The following SGO2 variants were observed in gnomAD, a reference collection of about 807,000 sequenced individuals.
The protein encoded by SGO2 is shugoshin 2, also known as shugoshin-like 2.
In SGO2, 68 loss-of-function variants were observed where a neutral mutation model predicts 99.5. That is an observed-to-expected ratio of 0.68 (90% CI 0.56 to 0.84). The LOEUF (loss-of-function observed/expected upper bound fraction) is 0.84, where lower values mean the gene tolerates loss of function less well. Ranked by LOEUF, SGO2 falls within the 40% of genes least tolerant of loss-of-function variation. The pLI is 0.00. For missense variants in SGO2, 1,350 were observed against 1,436.7 expected (o/e 0.94, Z 0.97); for synonymous variants, 457 against 487.1 (o/e 0.94, Z 0.81).
chr2:200,557,459 A>G (rs964213867), intron 5 of SGO2, among the ~76,000 whole-genome samples: 21 of 152,092 alleles, frequency 1.4e-4, no homozygotes, highest in Non-Finnish European at 2.5e-4. Context: ...TCATCCCTTC[A>G]TGGTTTGCCA....
intron 3 of SGO2, 119 bp downstream of exon 3, chr2:200,535,290 G>T (rs1281059127): frequency 1.2e-6 from 1 of 856,584 alleles, no homozygotes; most frequent in Non-Finnish European, 1.7e-6. Flanking sequence ...TTGAAAGTCA[G>T]TATACCATGT....
chr2:200,534,877 C>G lies in SGO2; in HGVS notation c.134-119C>G, dbSNP rs16833685. Reference sequence around the variant, plus strand: ...CAAAACTACATCTGTATTGTTATTCCCTTTTCTAATCTTCAGTTAAAACTT... The same window carrying G: ...CAAAACTACATCTGTATTGTTATTCGCTTTTCTAATCTTCAGTTAAAACTT... On this transcript the variant is annotated intron_variant, in intron 2 of 8. Coordinates refer to ENST00000357799, the MANE Select transcript of SGO2 (RefSeq NM_152524.6). 6,683 of 636,526 alleles carry G rather than the reference C, an allele frequency of 0.01. 329 individuals carry two copies. In the African/African-American group the frequency reaches 0.11, roughly 10 times the overall value. 39.4% of individuals were successfully genotyped at this position (636,526 alleles called of 1,614,324 possible). A position where few individuals can be genotyped will look rare whatever the true frequency, so the allele number is the denominator to read the frequency against.
rs557227476 is a variant in SGO2 at position 200,557,822 on chromosome 2, C to A, written c.474-11841C>A. Among the ~76,000 whole-genome samples, 6 of 150,470 alleles carry A rather than the reference C, an allele frequency of 4.0e-5. 1 individual carries two copies. In the South Asian group the frequency reaches 1.3e-3, roughly 32 times the overall value. On this transcript the variant is annotated intron_variant, in intron 5 of 8. Transcript: ENST00000357799. The stretch of plus-strand genomic sequence containing the variant: ...TATTTGTTTGTTTGTTTGTTTTGTC[C>A]AGGTTTTGGCTTTTATTTTTTCTTA...
At chr2:200,552,628 G>A (rs762898518) in intron 5 of SGO2, among the ~76,000 whole-genome samples, 2 of 152,290 alleles carry the variant, frequency 1.3e-5, no homozygotes, top group African/African-American at 2.4e-5. Flanking sequence ...CATGGCATTT[G>A]TAAATTGTCA....
intron 5 of SGO2, among the ~76,000 whole-genome samples, chr2:200,550,009 G>A (rs910393240): frequency 2.6e-5 from 4 of 152,224 alleles, no homozygotes; most frequent in African/African-American, 9.6e-5. Flanking sequence ...ATTCAGTAAA[G>A]TTGCAGGATG....
chr2:200,573,136 T>C lies in SGO2; in HGVS notation c.2790T>C (p.Asp930=), dbSNP rs1307952120. ...MNQIYEDNDK[D]AHVQESYTKD... ...AGATATATGAGGATAATGATAAAGA[T>C]GCACATGTCCAAGAAAGCTATACAA... The change falls in exon 7 of 9, where the codon GAT becomes GAC. Residue 930 remains aspartate, a synonymous_variant. Transcript: ENST00000357799. The C allele has an allele frequency of 1.9e-6, 3 of 1,590,066 alleles. No homozygotes were observed. The Admixed American group carries it at 5.6e-5, about 30-fold the overall frequency.
At chr2:200,545,126 T>TC (rs1404520787) in intron 5 of SGO2, among the ~76,000 whole-genome samples, 1 of 152,052 alleles carries the variant, frequency 6.6e-6, no homozygotes, top group East Asian at 1.9e-4. Context: ...CTCTCCTCAG[T>TC]CCCCCAAGTA....
Position 200,562,153 on chromosome 2 carries a change from T to A in SGO2, c.474-7510T>A, listed in dbSNP as rs1282393387. ...GCCCATGCCTGTGGCCTGAATGGTA[T>A]TGCCTAGGTTTTCTTCTAGGTTTTT... is the stretch of plus-strand genomic sequence containing the variant. On this transcript the variant is annotated intron_variant, in intron 5 of 8. Coordinates refer to ENST00000357799, the MANE Select transcript of SGO2 (RefSeq NM_152524.6). Among the ~76,000 whole-genome samples the A allele has an allele frequency of 2.6e-5, 4 of 151,526 alleles. No individual in the cohort carries two copies. In the South Asian group the frequency reaches 8.4e-4, roughly 32 times the overall value.
intron 3 of SGO2, 115 bp from the exon 4 acceptor site, chr2:200,535,950 A>T (rs536446114): frequency 3.6e-6 from 2 of 556,660 alleles, no homozygotes; most frequent in Non-Finnish European, 6.3e-6. Context: ...TTAGCTCAAT[A>T]TGATATCAAC....
chr2:200,552,489 A>G (rs1369263577), intron 5 of SGO2, among the ~76,000 whole-genome samples: 1 of 152,164 alleles, frequency 6.6e-6, no homozygotes, highest in African/African-American at 2.4e-5. Context: ...GCTTACTTGT[A>G]GTTATTCCTT....
intron 1 of SGO2, among the ~76,000 whole-genome samples, chr2:200,528,878 T>G (rs1310343235): frequency 6.6e-6 from 1 of 152,092 alleles, no homozygotes; most frequent in Admixed American, 6.5e-5. Context: ...AACAGAAGAA[T>G]GTGCTATTTT....
chr2:200,563,589 G>T (rs574012138), intron 5 of SGO2, among the ~76,000 whole-genome samples: 1 of 152,306 alleles, frequency 6.6e-6, no homozygotes, highest in South Asian at 2.1e-4. Flanking sequence ...AGTTAGGGAG[G>T]ATTCCCTCTT....
At chr2:200,579,245 C>T (rs2033761064) in intron 8 of SGO2, among the ~76,000 whole-genome samples, 1 of 152,126 alleles carries the variant, frequency 6.6e-6, no homozygotes, top group Non-Finnish European at 1.5e-5. Flanking sequence ...TTTCTGAACT[C>T]TGTTATTCTC....
At chr2:200,528,768 T>G (rs758028953) in intron 1 of SGO2, among the ~76,000 whole-genome samples, 3 of 152,160 alleles carry the variant, frequency 2.0e-5, no homozygotes, top group Non-Finnish European at 4.4e-5. Context: ...GACTGAGATC[T>G]GGGGCACTCC....
chr2:200,536,216 C>T, intron 4 of SGO2, 74 bp downstream of exon 4: 1 of 909,826 alleles, frequency 1.1e-6, no homozygotes, highest in Non-Finnish European at 1.7e-6. Flanking sequence ...TAAATAACAT[C>T]AAGGTTAGAG....
intron 4 of SGO2, among the ~76,000 whole-genome samples, chr2:200,541,883 C>T (rs1480336416): frequency 6.6e-6 from 1 of 151,884 alleles, no homozygotes; most frequent in African/African-American, 2.4e-5. Context: ...TGTTCTATGT[C>T]ATTGATCTAT....
chr2:200,580,857 A>AC (rs1316367766), intron 8 of SGO2, among the ~76,000 whole-genome samples: 1 of 152,032 alleles, frequency 6.6e-6, no homozygotes, highest in Non-Finnish European at 1.5e-5. Flanking sequence ...TAGAACACAC[A>AC]CAAAAAAATT....
intron 4 of SGO2, 28 bp from the exon 5 acceptor site, chr2:200,542,549 CTT>C (rs1559201962): frequency 6.4e-7 from 1 of 1,554,168 alleles, no homozygotes; most frequent in South Asian, 1.1e-5. Flanking sequence ...AGGTTAGAAA[CTT>C]TGTTTTCTTT....
chr2:200,535,452 C>A (rs1328921427), intron 3 of SGO2, among the ~76,000 whole-genome samples: 1 of 152,154 alleles, frequency 6.6e-6, no homozygotes, highest in Non-Finnish European at 1.5e-5. Context: ...TACATTAATA[C>A]ATTTTTAAAA....
Sources: gnomAD v4.1 joint callset for allele counts (sites outside exome capture counted in the v4.1 genomes callset) on GRCh38, gnomAD v4.1.1 for gene constraint, MANE v1.5 for transcripts, NCBI Gene and HGNC (gene_info 2026-07-23, HGNC 2026-07-21) for gene names.